The following ADAMTSL1 variants were observed in gnomAD, a reference collection of about 807,000 sequenced individuals.
ADAMTSL1 encodes the protein ADAMTS-like protein 1.
ADAMTSL1 carries 126 observed loss-of-function variants against 201.8 expected under a neutral mutation model. The ratio of observed to expected loss-of-function variants is 0.62; its 90% CI spans 0.54 to 0.72. The LOEUF (loss-of-function observed/expected upper bound fraction) is 0.72, where lower values mean the gene tolerates loss of function less well. ADAMTSL1 is among the 30% of genes least tolerant of loss of function. The probability of loss-of-function intolerance (pLI) is 0.00; values close to 1 mark genes in which losing one functional copy is unlikely to be tolerated. For missense variants in ADAMTSL1, 2,679 were observed against 2,277.8 expected (o/e 1.18, Z -3.59); for synonymous variants, 1,121 against 903.4 (o/e 1.24, Z -4.32).
chr9:18,883,079 A>G (rs1309726097), intron 23 of ADAMTSL1, among the ~76,000 whole-genome samples: 1 of 152,048 alleles, frequency 6.6e-6, no homozygotes, highest in Non-Finnish European at 1.5e-5. Flanking sequence ...CAGGCCTTCA[A>G]TCCATTGGCC....
chr9:18,071,799 C>A (rs1822981800), intron 1 of ADAMTSL1, among the ~76,000 whole-genome samples: 1 of 152,174 alleles, frequency 6.6e-6, no homozygotes, highest in Admixed American at 6.6e-5. Context: ...GTTGTGTGTT[C>A]CAGGATGACT....
intron 2 of ADAMTSL1, among the ~76,000 whole-genome samples, chr9:18,262,318 G>T (rs997228447): frequency 2.2e-4 from 34 of 152,226 alleles, no homozygotes; most frequent in African/African-American, 8.0e-4. Context: ...AGTGCCCACA[G>T]CTTCAACCAA....
chr9:18,330,184 G>T (rs1327738469), intron 2 of ADAMTSL1, among the ~76,000 whole-genome samples: 2 of 152,188 alleles, frequency 1.3e-5, no homozygotes, highest in South Asian at 2.1e-4. Flanking sequence ...TTGCAAGGTA[G>T]TTTGGAGGAC....
chr9:18,181,300 C>G (rs572419513), intron 2 of ADAMTSL1, among the ~76,000 whole-genome samples: 6 of 152,274 alleles, frequency 3.9e-5, no homozygotes, highest in Middle Eastern at 3.4e-3. Flanking sequence ...TCTCATTAAA[C>G]TAAAGAGCTT....
chr9:18,226,864 C>A (rs558885422), intron 2 of ADAMTSL1, among the ~76,000 whole-genome samples: 87 of 151,960 alleles, frequency 5.7e-4, no homozygotes, highest in African/African-American at 1.9e-3. Context: ...AATCATGAAT[C>A]CAGCATGAAT....
At chr9:18,446,970 CA>C (rs1241595851) in intron 2 of ADAMTSL1, among the ~76,000 whole-genome samples, 6 of 151,550 alleles carry the variant, frequency 4.0e-5, no homozygotes, top group Non-Finnish European at 7.4e-5. Flanking sequence ...TTAACATGAA[CA>C]TTTTTTTTTT....
intron 1 of ADAMTSL1, among the ~76,000 whole-genome samples, chr9:17,951,282 T>A (rs1009760318): frequency 6.6e-6 from 1 of 152,168 alleles, no homozygotes; most frequent in Admixed American, 6.6e-5. Context: ...AGACAATGCT[T>A]CAGGGGCGAT....
At position 17,947,345 on chromosome 9, in the gene ADAMTSL1, A is replaced by ACACCCC. The variant is rs1554668687; in HGVS notation, c.87+40424_87+40425insACCCCC. ...CACACACACACACACACACACACACACCCCACTATGCACTTGATAATTTTG... is the reference window on the plus strand; with the variant it reads ...CACACACACACACACACACACACACACACCCCCCCCACTATGCACTTGATAATTTTG... On this transcript the variant is annotated intron_variant, in intron 1 of 29. Transcript: ENST00000680146. 2.6e-4 allele frequency among the ~76,000 whole-genome samples: 38 copies of ACACCCC among 147,110 alleles called. No homozygotes were observed. The East Asian group carries it at 4.3e-3, about 16-fold the overall frequency.
intron 1 of ADAMTSL1, among the ~76,000 whole-genome samples, chr9:18,078,964 A>G (rs182164333): frequency 3.3e-5 from 5 of 152,170 alleles, no homozygotes; most frequent in African/African-American, 2.4e-5. Context: ...CCCATATCAG[A>G]GTAGTTTATC....
At chr9:18,280,060 G>T (rs1162845653) in intron 2 of ADAMTSL1, among the ~76,000 whole-genome samples, 2 of 152,196 alleles carry the variant, frequency 1.3e-5, no homozygotes, top group Non-Finnish European at 1.5e-5. Flanking sequence ...GCTGAAGTAG[G>T]CTTGAACCCT....
intron 1 of ADAMTSL1, among the ~76,000 whole-genome samples, chr9:18,128,936 A>T (rs1252363952): frequency 6.6e-6 from 1 of 152,202 alleles, no homozygotes; most frequent in African/African-American, 2.4e-5. Flanking sequence ...AAGAACCTAT[A>T]TTTTGCATGC....
chr9:18,744,829 T>A (rs1819042952), intron 15 of ADAMTSL1, among the ~76,000 whole-genome samples: 1 of 152,258 alleles, frequency 6.6e-6, no homozygotes. Context: ...CTATCTTTCA[T>A]ATAGTTGACA....
chr9:18,876,417 C>T (rs1445958723), intron 23 of ADAMTSL1, among the ~76,000 whole-genome samples: 1 of 151,676 alleles, frequency 6.6e-6, no homozygotes, highest in Non-Finnish European at 1.5e-5. Flanking sequence ...AGATTTAGAG[C>T]CCCTTTTAGC....
chr9:18,067,981 A>AT (rs1260671017), intron 1 of ADAMTSL1, among the ~76,000 whole-genome samples: 2 of 151,990 alleles, frequency 1.3e-5, no homozygotes, highest in Non-Finnish European at 2.9e-5. Context: ...CGACAGGATA[A>AT]TTTTTTTAAA....
intron 1 of ADAMTSL1, among the ~76,000 whole-genome samples, chr9:18,157,582 C>T (rs1420798601): frequency 1.3e-5 from 2 of 151,954 alleles, no homozygotes; most frequent in Admixed American, 1.3e-4. Context: ...AATTATGAGG[C>T]CCAGCTGAAC....
chr9:18,909,510 T>G lies in ADAMTSL1; in HGVS notation c.*962T>G, dbSNP rs1467164293. 6.6e-6 allele frequency: 1 copy of G among 152,238 alleles called. No individual in the cohort carries two copies. Among genetic ancestry groups the G allele is most frequent in the Non-Finnish European group, 1.5e-5 (1 of 68,054 alleles). 9.4% of individuals were successfully genotyped at this position (152,238 alleles called of 1,614,324 possible). On this transcript the variant is annotated 3_prime_UTR_variant, in exon 29 of 29. Coordinates refer to ENST00000380548, the MANE Select transcript of ADAMTSL1 (RefSeq NM_001040272.6). ...AATCCGAAGTCCCCTAGCCCCGCAC[T>G]AACTAACTGCTGCTGTGGGCCAGGG...
intron 1 of ADAMTSL1, among the ~76,000 whole-genome samples, chr9:18,163,649 C>T (rs1827503213): frequency 6.6e-6 from 1 of 151,942 alleles, no homozygotes; most frequent in South Asian, 2.1e-4. Context: ...TAAGAGGCAC[C>T]AATTTAGCAG....
chr9:18,815,711 CAAAAAAA>C (rs35926602), intron 20 of ADAMTSL1, among the ~76,000 whole-genome samples: 2,001 of 67,946 alleles, frequency 0.029, 44 homozygotes, highest in African/African-American at 0.1. Flanking sequence ...AACCCTGTCT[CAAAAAAA>C]AAAAAAAAAA....
At chr9:18,717,694 G>A (rs1396972613) in intron 14 of ADAMTSL1, among the ~76,000 whole-genome samples, 1 of 152,182 alleles carries the variant, frequency 6.6e-6, no homozygotes, top group Non-Finnish European at 1.5e-5. Context: ...CAACGTGGGT[G>A]GATGAAGAAT....
Sources: allele counts gnomAD v4.1 joint callset (sites outside exome capture counted in the v4.1 genomes callset), GRCh38; gene constraint gnomAD v4.1.1; transcripts MANE v1.5; gene names NCBI Gene and HGNC (gene_info 2026-07-23, HGNC 2026-07-21).